Variants in EPHB1 observed in about 807,000 individuals in gnomAD.
EPHB1 encodes the protein ephrin type-B receptor 1.
In EPHB1, 30 loss-of-function variants were observed where a neutral mutation model predicts 94.4. The observed-to-expected ratio is 0.32, with a 90% confidence interval of 0.24 to 0.43. The LOEUF is 0.43. Ranked by LOEUF, EPHB1 falls within the 20% of genes least tolerant of loss-of-function variation. The probability of loss-of-function intolerance (pLI) is 1.00; values close to 1 mark genes in which losing one functional copy is unlikely to be tolerated. For synonymous variants in EPHB1, 522 were observed against 489.1 expected, an observed-to-expected ratio of 1.07 and a Z score of -0.89; for missense variants, 1,055 against 1,308.3, an observed-to-expected ratio of 0.81 and a Z score of 2.99.
chr3:134,905,356 C>T (rs930480570), intron 1 of EPHB1, among the ~76,000 whole-genome samples: 4 of 152,162 alleles, frequency 2.6e-5, no homozygotes, highest in Admixed American at 6.5e-5. Context: ...GTGGAGTGTG[C>T]GCACTGCAGC....
At chr3:135,165,862 C>A in intron 7 of EPHB1, 106 bp from the exon 8 acceptor site, 1 of 741,246 alleles carries the variant, frequency 1.3e-6, no homozygotes, top group East Asian at 2.5e-5. Context: ...AGAAACTATC[C>A]TCTACATATA....
intron 3 of EPHB1, among the ~76,000 whole-genome samples, chr3:135,030,751 C>T (rs1253556010): frequency 6.6e-6 from 1 of 152,238 alleles, no homozygotes; most frequent in African/African-American, 2.4e-5. Flanking sequence ...GTGGGCTCCA[C>T]CCAGTTCAAG....
chr3:135,237,559 C>T lies in EPHB1; in HGVS notation c.2347-3589C>T, dbSNP rs183151903. Among the ~76,000 whole-genome samples, 362 of 152,234 alleles carry T rather than the reference C, an allele frequency of 2.4e-3. 2 individuals carry two copies. Among genetic ancestry groups the T allele is most frequent in the Middle Eastern group, 6.8e-3 (2 of 294 alleles). On this transcript the variant is annotated intron_variant, in intron 12 of 15. Coordinates refer to ENST00000398015, the MANE Select transcript of EPHB1 (RefSeq NM_004441.5). ...GACCCCTGCGGCAGCTCTAGGGAAA[C>T]CCAGTCCCTGCAGAAAGCAGACCCA...
At chr3:135,237,918 G>T (rs1232750034) in intron 12 of EPHB1, among the ~76,000 whole-genome samples, 5 of 152,136 alleles carry the variant, frequency 3.3e-5, no homozygotes, top group African/African-American at 1.2e-4. Flanking sequence ...CTGGCTGGCA[G>T]AACCCTGCCT....
intron 3 of EPHB1, among the ~76,000 whole-genome samples, chr3:135,000,697 A>C (rs1421089852): frequency 6.6e-6 from 1 of 152,214 alleles, no homozygotes; most frequent in South Asian, 2.1e-4. Flanking sequence ...AATTGTGTGC[A>C]GTTGGCCCGT....
At chr3:134,906,241 A>G (rs2038325445) in intron 1 of EPHB1, among the ~76,000 whole-genome samples, 1 of 152,216 alleles carries the variant, frequency 6.6e-6, no homozygotes, top group Admixed American at 6.5e-5. Flanking sequence ...ATTTAGCCCG[A>G]GGGGATAGCA....
chr3:134,988,455 G>A (rs1032426222), intron 3 of EPHB1, among the ~76,000 whole-genome samples: 4 of 152,118 alleles, frequency 2.6e-5, no homozygotes, highest in African/African-American at 9.7e-5. Context: ...AATCAAATGA[G>A]TAAACATAAG....
At chr3:135,149,925 C>T (rs1242227133) in intron 5 of EPHB1, among the ~76,000 whole-genome samples, 2 of 152,194 alleles carry the variant, frequency 1.3e-5, no homozygotes, top group African/African-American at 4.8e-5. Context: ...CCATGGATTT[C>T]ACTGTCAGTT....
chr3:135,258,754 C>T (rs147044102), intron 15 of EPHB1, among the ~76,000 whole-genome samples: 25 of 152,220 alleles, frequency 1.6e-4, no homozygotes, highest in African/African-American at 4.6e-4. Flanking sequence ...CCTTAGAGCC[C>T]GTACATAAGG....
chr3:135,024,524 G>C (rs998294071), intron 3 of EPHB1, among the ~76,000 whole-genome samples: 6 of 152,290 alleles, frequency 3.9e-5, no homozygotes, highest in African/African-American at 1.4e-4. Context: ...CTAGTTCCCA[G>C]CCAGAGCAGA....
chr3:135,212,103 C>T (rs1392892091), intron 12 of EPHB1, among the ~76,000 whole-genome samples: 1 of 152,000 alleles, frequency 6.6e-6, no homozygotes, highest in Non-Finnish European at 1.5e-5. Context: ...TGTTTCTGAG[C>T]CCTTCCGGTG....
At chr3:134,908,008 C>G (rs964017337) in intron 1 of EPHB1, among the ~76,000 whole-genome samples, 3 of 152,240 alleles carry the variant, frequency 2.0e-5, no homozygotes, top group African/African-American at 7.2e-5. Flanking sequence ...GTGCTGCACA[C>G]CACAGCTGGT....
chr3:135,064,102 TTTG>T (rs1937550269), intron 3 of EPHB1, among the ~76,000 whole-genome samples: 1 of 152,170 alleles, frequency 6.6e-6, no homozygotes, highest in Non-Finnish European at 1.5e-5. Context: ...TAGCTAGTAT[TTTG>T]TTAAGAATTT....
intron 1 of EPHB1, among the ~76,000 whole-genome samples, chr3:134,833,317 C>A (rs948610916): frequency 6.6e-6 from 1 of 152,168 alleles, no homozygotes; most frequent in African/African-American, 2.4e-5. Flanking sequence ...GAAAGACTGC[C>A]CAGGATAGAG....
chr3:135,223,046 A>T (rs1943311329), intron 12 of EPHB1, among the ~76,000 whole-genome samples: 1 of 152,226 alleles, frequency 6.6e-6, no homozygotes, highest in Admixed American at 6.5e-5. Flanking sequence ...AGTCCAGTCA[A>T]TCACATTCAG....
chr3:134,832,403 G>C (rs1189520747), intron 1 of EPHB1, among the ~76,000 whole-genome samples: 3 of 152,178 alleles, frequency 2.0e-5, no homozygotes, highest in Non-Finnish European at 4.4e-5. Context: ...GACAGATCAT[G>C]AGGCAACTAA....
chr3:134,863,499 C>T (rs903852964), intron 1 of EPHB1, among the ~76,000 whole-genome samples: 9 of 152,174 alleles, frequency 5.9e-5, no homozygotes, highest in Admixed American at 1.3e-4. Context: ...CCTTAAGTGG[C>T]AGCAAATGCC....
chr3:134,939,374 TG>T (rs1381316037), intron 2 of EPHB1, among the ~76,000 whole-genome samples: 1 of 82,554 alleles, frequency 1.2e-5, no homozygotes, highest in Non-Finnish European at 2.7e-5. Context: ...TGGTAATGAA[TG>T]GGGGGTGGGG....
intron 15 of EPHB1, among the ~76,000 whole-genome samples, chr3:135,256,610 C>T (rs1933404209): frequency 6.6e-6 from 1 of 152,296 alleles, no homozygotes; most frequent in African/African-American, 2.4e-5. Context: ...ATGGGCTTCC[C>T]TTTGAGGGTA....
Sources: gnomAD v4.1 joint callset for allele counts (sites outside exome capture counted in the v4.1 genomes callset) on GRCh38, gnomAD v4.1.1 for gene constraint, MANE v1.5 for transcripts, NCBI Gene and HGNC (gene_info 2026-07-23, HGNC 2026-07-21) for gene names.